Variants in CSMD3 observed in about 807,000 individuals in gnomAD.
CSMD3 encodes the protein CUB and Sushi multiple domains 3.
CSMD3 carries 177 observed loss-of-function variants against 435.2 expected under a neutral mutation model. That is an observed-to-expected ratio of 0.41 (90% confidence interval 0.36 to 0.46). The LOEUF (loss-of-function observed/expected upper bound fraction) is 0.46. Among genes scored for constraint, CSMD3 ranks in the 20% least tolerant of loss-of-function variants. CSMD3 has a pLI of 0.34. For synonymous variants in CSMD3, 1,656 were observed against 1,520.5 expected (o/e 1.09, Z -2.07); for missense variants, 4,265 against 4,504.6 (o/e 0.95, Z 1.52).
Position 112,311,176 on chromosome 8 carries a change from A to G in CSMD3, c.7697-10T>C, listed in dbSNP as rs1821946720. Reference sequence around the variant, plus strand: ...GTACTACAGTAGAAAGCTTTTCAAAAGAAAAAAAAAATGCTGTTTAATTAA... The same window carrying G: ...GTACTACAGTAGAAAGCTTTTCAAAGGAAAAAAAAAATGCTGTTTAATTAA... On this transcript the variant is annotated splice_polypyrimidine_tract_variant and intron_variant, in intron 49 of 70. Transcript: ENST00000297405. 6.2e-7 allele frequency: 1 copy of G among 1,608,154 alleles called. No individual in the cohort carries two copies. The highest frequency in any genetic ancestry group is 8.5e-7 in the Non-Finnish European group (1 of 1,174,850).
At chr8:113,272,122 T>G (rs1458512313) in intron 3 of CSMD3, among the ~76,000 whole-genome samples, 3 of 152,176 alleles carry the variant, frequency 2.0e-5, no homozygotes, top group African/African-American at 7.2e-5. Context: ...GCTTTTGATT[T>G]TATGGGCTCA....
chr8:112,608,603 TAC>T (rs1173144642), intron 22 of CSMD3, among the ~76,000 whole-genome samples: 124 of 150,972 alleles, frequency 8.2e-4, no homozygotes, highest in African/African-American at 2.8e-3. Flanking sequence ...TATATATACA[TAC>T]ACACACACAC....
intron 10 of CSMD3, among the ~76,000 whole-genome samples, chr8:112,862,374 T>C (rs962535693): frequency 6.6e-6 from 1 of 152,034 alleles, no homozygotes; most frequent in African/African-American, 2.4e-5. Flanking sequence ...TCTAGGTCAG[T>C]ACATATAGGT....
At chr8:113,155,257 C>T (rs551849120) in intron 4 of CSMD3, among the ~76,000 whole-genome samples, 12 of 151,964 alleles carry the variant, frequency 7.9e-5, no homozygotes, top group Non-Finnish European at 1.5e-4. Flanking sequence ...AGTACTTGAT[C>T]CAGGAACCAT....
chr8:113,371,917 A>G (rs2094348084), intron 1 of CSMD3, among the ~76,000 whole-genome samples: 1 of 152,184 alleles, frequency 6.6e-6, no homozygotes, highest in Non-Finnish European at 1.5e-5. Context: ...TATTGCTCAT[A>G]TGGGAGTATT....
At chr8:113,116,941 G>C (rs2090848672) in intron 4 of CSMD3, among the ~76,000 whole-genome samples, 1 of 152,074 alleles carries the variant, frequency 6.6e-6, no homozygotes, top group South Asian at 2.1e-4. Context: ...TAAGGTATCT[G>C]GCAGAAGAAA....
intron 13 of CSMD3, among the ~76,000 whole-genome samples, chr8:112,758,500 G>T (rs2077758680): frequency 6.6e-6 from 1 of 151,750 alleles, no homozygotes; most frequent in Admixed American, 6.6e-5. Context: ...TAAATCTTTG[G>T]TCTAATCTTG....
At chr8:113,291,310 A>G (rs1274989321) in intron 2 of CSMD3, among the ~76,000 whole-genome samples, 1 of 151,826 alleles carries the variant, frequency 6.6e-6, no homozygotes, top group Non-Finnish European at 1.5e-5. Context: ...GCATTAAAAC[A>G]GAGTGATTAG....
At chr8:112,435,665 G>T (rs1488068719) in intron 32 of CSMD3, among the ~76,000 whole-genome samples, 1 of 151,968 alleles carries the variant, frequency 6.6e-6, no homozygotes, top group Non-Finnish European at 1.5e-5. Context: ...TTTCACAGCA[G>T]TTAGTGGAAT....
At chr8:113,380,711 G>A (rs1420679210) in intron 1 of CSMD3, among the ~76,000 whole-genome samples, 1 of 152,056 alleles carries the variant, frequency 6.6e-6, no homozygotes, top group Non-Finnish European at 1.5e-5. Flanking sequence ...CAAGCAAATA[G>A]ATATTTAAAG....
intron 27 of CSMD3, among the ~76,000 whole-genome samples, chr8:112,548,082 A>C (rs1045286267): frequency 2.0e-5 from 3 of 152,090 alleles, no homozygotes; most frequent in African/African-American, 7.2e-5. Flanking sequence ...CTTTAATACC[A>C]CTTGTATACT....
At chr8:112,481,671 G>A (rs1819632145) in intron 31 of CSMD3, among the ~76,000 whole-genome samples, 1 of 152,110 alleles carries the variant, frequency 6.6e-6, no homozygotes, top group Non-Finnish European at 1.5e-5. Context: ...ATAAATCCTA[G>A]TATAGAATAT....
intron 8 of CSMD3, among the ~76,000 whole-genome samples, chr8:112,950,064 T>C (rs767499729): frequency 1.3e-5 from 2 of 151,536 alleles, no homozygotes; most frequent in African/African-American, 2.4e-5. Flanking sequence ...TAATTTAAAA[T>C]TATCTTAATA....
At position 112,685,358 on chromosome 8, in the gene CSMD3, A is replaced by G. The variant is rs527927640; in HGVS notation, c.2482+48T>C. 1.4e-5 allele frequency: 21 copies of G among 1,499,830 alleles called. No individual in the cohort carries two copies. In the African/African-American group the frequency reaches 2.9e-4, roughly 21 times the overall value. The allele number at this position is 1,499,830 out of a possible 1,614,324, so 92.9% of individuals were successfully genotyped here. A position where few individuals can be genotyped will look rare whatever the true frequency, so the allele number is the denominator to read the frequency against. On this transcript the variant is annotated intron_variant, in intron 15 of 70. Coordinates refer to ENST00000297405, the MANE Select transcript of CSMD3 (RefSeq NM_198123.2). ...TATACATGATCACTTTTCAACTCAA[A>G]TTTATAGAAATATATTATATGGGAA...
At chr8:112,891,621 T>C (rs929074306) in intron 10 of CSMD3, among the ~76,000 whole-genome samples, 1 of 151,456 alleles carries the variant, frequency 6.6e-6, no homozygotes, top group African/African-American at 2.4e-5. Context: ...AAACAGGAAC[T>C]AAAAAGGACT....
chr8:112,609,842 TAA>T (rs1052276222), intron 22 of CSMD3, among the ~76,000 whole-genome samples: 40 of 152,248 alleles, frequency 2.6e-4, no homozygotes, highest in African/African-American at 9.1e-4. Context: ...ATTTAGCACT[TAA>T]AGAGAAGAAA....
intron 16 of CSMD3, among the ~76,000 whole-genome samples, chr8:112,669,187 C>A (rs998302659): frequency 1.3e-4 from 19 of 151,866 alleles, no homozygotes; most frequent in Non-Finnish European, 2.5e-4. Context: ...CACACACCAC[C>A]ACACCCGGCT....
rs779951051 is a variant in CSMD3 at position 112,975,832 on chromosome 8, A to G, written c.1342+5T>C. 1 of 1,612,804 alleles carries G rather than the reference A, an allele frequency of 6.2e-7. No homozygotes were observed. The highest frequency in any genetic ancestry group is 8.5e-7 in the Non-Finnish European group (1 of 1,179,776). On this transcript the variant is annotated splice_donor_5th_base_variant and intron_variant, in intron 7 of 70. Transcript: ENST00000297405. ...AATGGGCACAAGTAAAATAACATCCAATACCTCTATGAGTAACAACTGCAA... is the reference window on the plus strand; with the variant it reads ...AATGGGCACAAGTAAAATAACATCCGATACCTCTATGAGTAACAACTGCAA...
intron 13 of CSMD3, among the ~76,000 whole-genome samples, chr8:112,769,840 T>G (rs1023193563): frequency 6.6e-6 from 1 of 152,034 alleles, no homozygotes; most frequent in African/African-American, 2.4e-5. Context: ...AATTATAAAA[T>G]ATTTTTTCAC....
Sources: gnomAD v4.1 joint callset for allele counts (sites outside exome capture counted in the v4.1 genomes callset) on GRCh38, gnomAD v4.1.1 for gene constraint, MANE v1.5 for transcripts, NCBI Gene and HGNC (gene_info 2026-07-23, HGNC 2026-07-21) for gene names.